Variants in CMTM7 observed in about 807,000 individuals in gnomAD.
The protein encoded by CMTM7 is CKLF like MARVEL transmembrane domain containing 7, also known as CKLF-like MARVEL transmembrane domain-containing protein 7.
Under a neutral mutation model 19.3 loss-of-function variants are expected in CMTM7, and 7 were observed. That is an observed-to-expected ratio of 0.36 (90% CI 0.21 to 0.68). CMTM7 has a LOEUF of 0.68. Ranked by LOEUF, CMTM7 falls within the 30% of genes least tolerant of loss-of-function variation. The pLI, the probability that CMTM7 is intolerant of heterozygous loss-of-function variation, is 0.60. For synonymous variants in CMTM7, 87 were observed against 99.3 expected (o/e 0.88, Z 0.74); for missense variants, 193 against 232.6 (o/e 0.83, Z 1.11).
chr3:32,416,139 A>G (rs905082130), intron 1 of CMTM7, among the ~76,000 whole-genome samples: 5 of 152,066 alleles, frequency 3.3e-5, no homozygotes, highest in African/African-American at 1.2e-4. Context: ...GTAGGGGAAA[A>G]GTTTTTGAGA....
Position 32,442,105 on chromosome 3 carries a change from A to G in CMTM7, c.333+92A>G, listed in dbSNP as rs753862406. The G allele has an allele frequency of 1.6e-4, 196 of 1,188,088 alleles. 1 individual carries two copies. Among genetic ancestry groups the G allele is most frequent in the Non-Finnish European group, 2.1e-4 (173 of 823,216 alleles). 73.6% of individuals were successfully genotyped at this position (1,188,088 alleles called of 1,614,324 possible). A position where few individuals can be genotyped will look rare whatever the true frequency, so the allele number is the denominator to read the frequency against. On this transcript the variant is annotated intron_variant, in intron 2 of 4. Coordinates refer to ENST00000334983, the MANE Select transcript of CMTM7 (RefSeq NM_138410.4). ...CTGACAGAGTTTTTCCCGTCTGCCC[A>G]TCTCACCTCTTTAACCATTCTTTGC... is the stretch of plus-strand genomic sequence containing the variant.
intron 1 of CMTM7, among the ~76,000 whole-genome samples, chr3:32,438,273 C>T (rs1436178315): frequency 6.6e-6 from 1 of 152,108 alleles, no homozygotes; most frequent in Non-Finnish European, 1.5e-5. Flanking sequence ...TCCACTTCAC[C>T]TTTGCTTTCT....
intron 1 of CMTM7, among the ~76,000 whole-genome samples, chr3:32,435,266 T>C (rs1362242221): frequency 6.6e-6 from 1 of 151,966 alleles, no homozygotes; most frequent in Non-Finnish European, 1.5e-5. Flanking sequence ...TAGCCGGGCG[T>C]GGTGGTGCAT....
At chr3:32,441,706 A>C (rs1183927433) in intron 1 of CMTM7, 134 bp from the exon 2 acceptor site, 2 of 745,364 alleles carry the variant, frequency 2.7e-6, no homozygotes, top group African/African-American at 3.5e-5. Flanking sequence ...GTGTGTATGG[A>C]AATAACCTGA....
intron 1 of CMTM7, among the ~76,000 whole-genome samples, chr3:32,423,826 C>T (rs960383362): frequency 1.3e-5 from 2 of 152,172 alleles, no homozygotes; most frequent in Non-Finnish European, 2.9e-5. Context: ...TAAGCCAGCC[C>T]CCCAGGTGCA....
chr3:32,444,579 CA>C (rs1401747842), intron 2 of CMTM7, among the ~76,000 whole-genome samples: 7 of 152,086 alleles, frequency 4.6e-5, no homozygotes, highest in African/African-American at 9.7e-5. Context: ...TCAATTTCTA[CA>C]AAAATCAGCT....
chr3:32,427,280 A>C (rs1258523578), intron 1 of CMTM7, among the ~76,000 whole-genome samples: 2 of 152,234 alleles, frequency 1.3e-5, no homozygotes, highest in Non-Finnish European at 2.9e-5. Flanking sequence ...GGTCCCACTG[A>C]GCAGGACAAA....
At chr3:32,451,777 G>C (rs1378629198) in intron 3 of CMTM7, 1 of 260,758 alleles carries the variant, frequency 3.8e-6, no homozygotes, top group Non-Finnish European at 7.5e-6. Flanking sequence ...CTACAAGTGA[G>C]GGGGCTGGGC....
chr3:32,411,261 T>G (rs1696170113), intron 1 of CMTM7, among the ~76,000 whole-genome samples: 1 of 152,232 alleles, frequency 6.6e-6, no homozygotes, highest in Non-Finnish European at 1.5e-5. Context: ...AACACAAATC[T>G]CTCTTATCGT....
chr3:32,442,707 G>A (rs1441214926), intron 2 of CMTM7, among the ~76,000 whole-genome samples: 5 of 152,114 alleles, frequency 3.3e-5, no homozygotes, highest in Non-Finnish European at 7.4e-5. Flanking sequence ...TGGGGGCTGA[G>A]GAGACAGTCA....
intron 1 of CMTM7, among the ~76,000 whole-genome samples, chr3:32,416,529 T>C (rs1696269188): frequency 7.0e-6 from 1 of 142,358 alleles, no homozygotes; most frequent in African/African-American, 2.6e-5. Flanking sequence ...TAGCTGGGAC[T>C]ACAGGCGCCC....
chr3:32,410,750 C>T (rs972405929), intron 1 of CMTM7, among the ~76,000 whole-genome samples: 1 of 152,214 alleles, frequency 6.6e-6, no homozygotes, highest in African/African-American at 2.4e-5. Flanking sequence ...GTTGTGATAG[C>T]ACCTTTCTTT....
intron 4 of CMTM7, among the ~76,000 whole-genome samples, chr3:32,453,919 A>C (rs988675103): frequency 2.6e-5 from 4 of 152,228 alleles, no homozygotes; most frequent in African/African-American, 7.2e-5. Flanking sequence ...TAACAGGATA[A>C]ATCTATAAAT....
At chr3:32,399,283 G>A (rs1219329555) in intron 1 of CMTM7, among the ~76,000 whole-genome samples, 1 of 137,118 alleles carries the variant, frequency 7.3e-6, no homozygotes, top group African/African-American at 2.8e-5. Flanking sequence ...TTTTTTGGTT[G>A]TCACAGGGAT....
In CMTM7 at chr3:32,455,166, T is replaced by C. The variant is rs1696890003; in HGVS notation, c.*912T>C. ...ATGATCTCGGCCTAAATGTGCTGTTTCGCTGATCTTGAGCTGCTCAGTTGG... is the reference window on the plus strand; with the variant it reads ...ATGATCTCGGCCTAAATGTGCTGTTCCGCTGATCTTGAGCTGCTCAGTTGG... On this transcript the variant is annotated 3_prime_UTR_variant, in exon 5 of 5. Transcript: ENST00000334983. 1 of 152,412 alleles carries C rather than the reference T, an allele frequency of 6.6e-6. No homozygotes were observed. Among genetic ancestry groups the C allele is most frequent in the South Asian group, 2.1e-4 (1 of 4,836 alleles). 9.4% of individuals were successfully genotyped at this position (152,412 alleles called of 1,614,324 possible).
chr3:32,415,079 G>A (rs1455384913), intron 1 of CMTM7, among the ~76,000 whole-genome samples: 1 of 151,994 alleles, frequency 6.6e-6, no homozygotes, highest in Non-Finnish European at 1.5e-5. Flanking sequence ...AAGTAAACCT[G>A]TTCAAAACGC....
chr3:32,443,272 T>G (rs1696708036), intron 2 of CMTM7, among the ~76,000 whole-genome samples: 1 of 151,396 alleles, frequency 6.6e-6, no homozygotes, highest in Non-Finnish European at 1.5e-5. Flanking sequence ...ATAATTTTTG[T>G]GTTTTTTTTT....
intron 1 of CMTM7, among the ~76,000 whole-genome samples, chr3:32,403,695 C>T (rs538366174): frequency 4.6e-5 from 7 of 152,076 alleles, no homozygotes; most frequent in Non-Finnish European, 7.4e-5. Flanking sequence ...AATTTGGGGT[C>T]TTTTTTTCAT....
chr3:32,401,950 C>T (rs1696014324), intron 1 of CMTM7, among the ~76,000 whole-genome samples: 1 of 152,234 alleles, frequency 6.6e-6, no homozygotes, highest in African/African-American at 2.4e-5. Context: ...TCTCAGCCTC[C>T]TGCAGAAAAC....
Sources: allele counts gnomAD v4.1 joint callset (sites outside exome capture counted in the v4.1 genomes callset), GRCh38; gene constraint gnomAD v4.1.1; transcripts MANE v1.5; gene names NCBI Gene and HGNC (gene_info 2026-07-23, HGNC 2026-07-21).